The following RNF130 variants were observed in gnomAD, a reference collection of about 807,000 sequenced individuals.
The protein encoded by RNF130 is E3 ubiquitin-protein ligase RNF130.
In RNF130, 21 loss-of-function variants were observed where a neutral mutation model predicts 44.6. The ratio of observed to expected loss-of-function variants is 0.47; its 90% CI spans 0.33 to 0.68. The LOEUF is 0.68. RNF130 is among the 30% of genes least tolerant of loss of function. RNF130 has a pLI of 0.02. For missense variants in RNF130, 479 were observed against 560.6 expected (o/e 0.85, Z 1.47); for synonymous variants, 214 against 210.4 (o/e 1.02, Z -0.15).
At chr5:180,063,722 C>T (rs1765038522) in intron 1 of RNF130, among the ~76,000 whole-genome samples, 2 of 152,164 alleles carry the variant, frequency 1.3e-5, no homozygotes, top group Admixed American at 1.3e-4. Context: ...TTTTTCTTAA[C>T]ATGTCTGATC....
At chr5:179,925,391 G>C (rs186554343) in intron 7 of RNF130, among the ~76,000 whole-genome samples, 113 of 152,342 alleles carry the variant, frequency 7.4e-4, no homozygotes, top group African/African-American at 2.6e-3. Context: ...ACCGGTAGGG[G>C]AGGGCACTGA....
intron 8 of RNF130, among the ~76,000 whole-genome samples, chr5:179,959,432 C>T (rs556804454): frequency 3.0e-4 from 45 of 152,034 alleles, no homozygotes; most frequent in African/African-American, 1.1e-3. Context: ...TCAAGACCAG[C>T]CTGGCCAAGA....
At chr5:180,034,184 T>A (rs1191556095) in intron 2 of RNF130, among the ~76,000 whole-genome samples, 1 of 151,868 alleles carries the variant, frequency 6.6e-6, no homozygotes, top group Non-Finnish European at 1.5e-5. Flanking sequence ...TTTTCATTTA[T>A]TCTATTGATT....
At chr5:179,968,667 T>TAAAAA (rs35941932) in intron 6 of RNF130, among the ~76,000 whole-genome samples, 44 of 68,098 alleles carry the variant, frequency 6.5e-4, no homozygotes, top group African/African-American at 1.6e-3. Context: ...CTCTGTCTCA[T>TAAAAA]AAAAAAAAAA....
intron 1 of RNF130, among the ~76,000 whole-genome samples, chr5:180,042,489 GAC>G (rs1561704127): frequency 6.6e-6 from 1 of 152,186 alleles, no homozygotes. Context: ...ACTATTGAAA[GAC>G]ACAGACGATG....
intron 2 of RNF130, among the ~76,000 whole-genome samples, chr5:180,026,759 C>T (rs182790034): frequency 3.9e-5 from 6 of 152,136 alleles, no homozygotes; most frequent in African/African-American, 1.4e-4. Flanking sequence ...AGCTTAACAA[C>T]CAAACTAAAT....
intron 1 of RNF130, among the ~76,000 whole-genome samples, chr5:180,062,359 C>T (rs1050538968): frequency 6.6e-6 from 1 of 151,678 alleles, no homozygotes; most frequent in African/African-American, 2.4e-5. Flanking sequence ...TGAGCCCGGT[C>T]CCCCCAGCCT....
At chr5:179,923,721 C>T (rs1761665398) in intron 7 of RNF130, among the ~76,000 whole-genome samples, 4 of 152,196 alleles carry the variant, frequency 2.6e-5, no homozygotes, top group Admixed American at 6.5e-5. Flanking sequence ...ACGGTGCAGC[C>T]CTGGAGTTGC....
intron 1 of RNF130, among the ~76,000 whole-genome samples, chr5:180,049,158 G>C (rs1764634836): frequency 6.6e-6 from 1 of 152,066 alleles, no homozygotes; most frequent in African/African-American, 2.4e-5. Flanking sequence ...CACCAAAAAG[G>C]ACAAAACCCA....
intron 2 of RNF130, among the ~76,000 whole-genome samples, chr5:180,019,500 G>A (rs57144908): frequency 0.11 from 17,216 of 152,166 alleles, 2,113 homozygotes; most frequent in African/African-American, 0.31. Context: ...TGTGTCTCAG[G>A]GAGACTGCTG....
intron 2 of RNF130, among the ~76,000 whole-genome samples, chr5:180,036,849 A>T (rs199877632): frequency 6.0e-4 from 4 of 6,646 alleles, no homozygotes; most frequent in African/African-American, 2.5e-3. Context: ...TCAGCTTAAG[A>T]AATAAAACAT....
intron 3 of RNF130, among the ~76,000 whole-genome samples, chr5:179,992,450 T>C (rs1384902343): frequency 6.6e-6 from 1 of 152,204 alleles, no homozygotes; most frequent in Admixed American, 6.5e-5. Flanking sequence ...CCCTAAATCA[T>C]TGTTAAAGCT....
At chr5:179,986,111 A>G (rs546009698) in intron 3 of RNF130, among the ~76,000 whole-genome samples, 55 of 152,338 alleles carry the variant, frequency 3.6e-4, no homozygotes, top group South Asian at 6.2e-4. Flanking sequence ...ATCACATTGG[A>G]TACTACAGGT....
At chr5:179,941,146 T>C (rs1761964508) in intron 7 of RNF130, among the ~76,000 whole-genome samples, 1 of 152,228 alleles carries the variant, frequency 6.6e-6, no homozygotes, top group Non-Finnish European at 1.5e-5. Flanking sequence ...TGGATCTATT[T>C]CTGTTCTTTG....
chr5:180,027,416 G>A (rs1212785209), intron 2 of RNF130, among the ~76,000 whole-genome samples: 2 of 152,196 alleles, frequency 1.3e-5, no homozygotes, highest in Non-Finnish European at 2.9e-5. Context: ...AAGGCAGAGA[G>A]TTATGGCATA....
chr5:180,018,310 A>G (rs1731321326), intron 2 of RNF130, among the ~76,000 whole-genome samples: 3 of 151,178 alleles, frequency 2.0e-5, no homozygotes, highest in South Asian at 2.1e-4. Flanking sequence ...AAAAAAAAAG[A>G]AAAGAAAAGA....
At chr5:179,943,974 AT>A (rs1428173573) in intron 7 of RNF130, among the ~76,000 whole-genome samples, 405 of 145,690 alleles carry the variant, frequency 2.8e-3, no homozygotes, top group Middle Eastern at 7.2e-3. Context: ...TTTCTGAGAA[AT>A]TTTTTTTTTT....
intron 8 of RNF130, among the ~76,000 whole-genome samples, chr5:179,957,375 G>T (rs1484213704): frequency 6.6e-6 from 1 of 152,206 alleles, no homozygotes; most frequent in Non-Finnish European, 1.5e-5. Flanking sequence ...TCCCACCACT[G>T]TACTCCAGCC....
intron 6 of RNF130, among the ~76,000 whole-genome samples, chr5:179,969,143 C>A (rs554998802): frequency 1.2e-4 from 18 of 152,216 alleles, no homozygotes; most frequent in South Asian, 6.2e-4. Flanking sequence ...TTTTTTGAGA[C>A]CAGAAACTAT....
Sources: gnomAD v4.1 joint callset for allele counts (sites outside exome capture counted in the v4.1 genomes callset) on GRCh38, gnomAD v4.1.1 for gene constraint, MANE v1.5 for transcripts, NCBI Gene and HGNC (gene_info 2026-07-23, HGNC 2026-07-21) for gene names.